PODXL: variants seen among roughly 807,000 people sequenced by gnomAD.
PODXL encodes podocalyxin like, also known as podocalyxin.
Under a neutral mutation model 48.9 loss-of-function variants are expected in PODXL, and 20 were observed. That is an observed-to-expected ratio of 0.41 (90% CI 0.29 to 0.59). The LOEUF is 0.59. Among genes scored for constraint, PODXL ranks in the 20% least tolerant of loss-of-function variants. The pLI is 0.31. For missense variants in PODXL, 606 were observed against 675.1 expected (o/e 0.90, Z 1.13); for synonymous variants, 295 against 287.4 (o/e 1.03, Z -0.27).
chr7:131,515,560 C>T (rs2116801453), intron 1 of PODXL, among the ~76,000 whole-genome samples: 1 of 152,232 alleles, frequency 6.6e-6, no homozygotes, highest in Non-Finnish European at 1.5e-5. Context: ...CGCCACCATG[C>T]CCAACTAATT....
chr7:131,530,983 G>A (rs1290556090), intron 1 of PODXL, among the ~76,000 whole-genome samples: 2 of 151,988 alleles, frequency 1.3e-5, no homozygotes, highest in Non-Finnish European at 2.9e-5. Context: ...GCTTGAACCC[G>A]GGAGGCGGAG....
At chr7:131,552,386 G>C (rs1798681966) in intron 1 of PODXL, among the ~76,000 whole-genome samples, 1 of 152,260 alleles carries the variant, frequency 6.6e-6, no homozygotes, top group African/African-American at 2.4e-5. Flanking sequence ...CTCCCTCCCT[G>C]CAAGGGGGGG....
chr7:131,511,956 C>T (rs1397538662), intron 1 of PODXL, among the ~76,000 whole-genome samples: 4 of 152,216 alleles, frequency 2.6e-5, no homozygotes, highest in Non-Finnish European at 5.9e-5. Flanking sequence ...ACCTCTGTCT[C>T]CTCCTCCCCA....
chr7:131,520,101 TAAAG>T, intron 1 of PODXL: 1 of 222,388 alleles, frequency 4.5e-6, no homozygotes, highest in Non-Finnish European at 9.0e-6. Context: ...CCTATAATCA[TAAAG>T]AAATTGAGCC....
chr7:131,506,957 G>A (rs1456015290), intron 5 of PODXL: 9 of 573,906 alleles, frequency 1.6e-5, no homozygotes, highest in South Asian at 1.0e-4. Flanking sequence ...CCCGTTCTCC[G>A]CACTGTGTTT....
chr7:131,524,019 G>A (rs1407178103), intron 1 of PODXL, among the ~76,000 whole-genome samples: 3 of 151,920 alleles, frequency 2.0e-5, no homozygotes, highest in Non-Finnish European at 2.9e-5. Flanking sequence ...GGCTGGTCTC[G>A]AACTCCTGAC....
chr7:131,501,672 TA>T lies in PODXL; in HGVS notation c.*2638del, dbSNP rs1797705572. On this transcript the variant is annotated 3_prime_UTR_variant, in exon 9 of 9. Coordinates refer to ENST00000378555, the MANE Select transcript of PODXL (RefSeq NM_001018111.3). ...AGTTTACCACTGAAAGAGCTGATGA[TA>T]AACTGTCTTTGCTACAACCTGTTTA... 1 of 152,196 alleles carries T rather than the reference TA, an allele frequency of 6.6e-6. No homozygotes were observed. Among genetic ancestry groups the T allele is most frequent in the Admixed American group, 6.5e-5 (1 of 15,284 alleles). 9.4% of individuals were successfully genotyped at this position (152,196 alleles called of 1,614,324 possible).
In PODXL at chr7:131,535,245, T is replaced by C. The variant is rs574477842; in HGVS notation, c.100+21015A>G. Among the ~76,000 whole-genome samples the C allele has an allele frequency of 2.0e-5, 3 of 152,280 alleles. No homozygotes were observed. The South Asian group carries it at 6.2e-4, about 32-fold the overall frequency. ...TCAGTGTCGGAGGATGAACATCTTC[T>C]GCAGGTGGATGATAGGAGCAGGTGC... On this transcript the variant is annotated intron_variant, in intron 1 of 8. Transcript: ENST00000378555.
chr7:131,539,756 C>T (rs546270450), intron 1 of PODXL, among the ~76,000 whole-genome samples: 7 of 152,340 alleles, frequency 4.6e-5, no homozygotes, highest in South Asian at 4.1e-4. Flanking sequence ...GAGACAGGAA[C>T]GTCCGTGCCC....
chr7:131,549,158 G>A (rs1007801), intron 1 of PODXL, among the ~76,000 whole-genome samples: 1 of 152,018 alleles, frequency 6.6e-6, no homozygotes, highest in Non-Finnish European at 1.5e-5. Flanking sequence ...AGTGTGCTGG[G>A]GGGGAGGGGT....
Position 131,504,190 on chromosome 7 carries a change from G to C in PODXL, c.*121C>G. ...AAAAATTAAGGCCCTGGGGGGATTG[G>C]GAGGGGACACCCCTCGGAGTTCACT... On this transcript the variant is annotated 3_prime_UTR_variant, in exon 9 of 9. Transcript: ENST00000378555. 1.3e-6 allele frequency: 1 copy of C among 748,016 alleles called. No individual in the cohort carries two copies. The highest frequency in any genetic ancestry group is 2.2e-6 in the Non-Finnish European group (1 of 449,870). The allele number at this position is 748,016 out of a possible 1,614,324, so 46.3% of individuals were successfully genotyped here.
intron 1 of PODXL, among the ~76,000 whole-genome samples, chr7:131,521,280 C>T (rs369244772): frequency 2.6e-4 from 40 of 152,082 alleles, no homozygotes; most frequent in African/African-American, 8.7e-4. Context: ...CAATGGGACC[C>T]GAGCACACTT....
Position 131,502,555 on chromosome 7 carries a change from C to G in PODXL, c.*1756G>C, listed in dbSNP as rs1336373386. On this transcript the variant is annotated 3_prime_UTR_variant, in exon 9 of 9. Coordinates refer to ENST00000378555, the MANE Select transcript of PODXL (RefSeq NM_001018111.3). ...GCCATCCCGAGTGGATAGCCTATTT[C>G]ATCAGAGCTACTACAGCCGGAGCCT... The G allele has an allele frequency of 2.6e-5, 4 of 152,248 alleles. No individual in the cohort carries two copies. The highest frequency in any genetic ancestry group is 6.6e-5 in the Admixed American group (1 of 15,266). 9.4% of individuals were successfully genotyped at this position (152,248 alleles called of 1,614,324 possible). A position where few individuals can be genotyped will look rare whatever the true frequency, so the allele number is the denominator to read the frequency against.
chr7:131,541,845 A>T (rs1055608508), intron 1 of PODXL, among the ~76,000 whole-genome samples: 1 of 152,202 alleles, frequency 6.6e-6, no homozygotes, highest in Non-Finnish European at 1.5e-5. Context: ...GAGTTCGTCA[A>T]GGAAGCCCGG....
chr7:131,545,275 G>C (rs913638717), intron 1 of PODXL, among the ~76,000 whole-genome samples: 6 of 152,208 alleles, frequency 3.9e-5, no homozygotes, highest in African/African-American at 1.2e-4. Context: ...TGGACTCTGG[G>C]GCAAGCAGCC....
chr7:131,511,995 T>C (rs1167416591), intron 1 of PODXL, among the ~76,000 whole-genome samples: 1 of 152,190 alleles, frequency 6.6e-6, no homozygotes, highest in Non-Finnish European at 1.5e-5. Context: ...CACAGAAAAT[T>C]CCACAGACTA....
Position 131,506,548 on chromosome 7 carries a change from C to T in PODXL, c.1249+31G>A, listed in dbSNP as rs1210086711. On this transcript the variant is annotated intron_variant, in intron 6 of 8. Transcript: ENST00000378555. ...GCCCCCCATTCCCACCCATGCAGGC[C>T]CCAGCCCAGGCCCCCTTGCCCTCCA... 6.2e-6 allele frequency: 10 copies of T among 1,609,778 alleles called. No homozygotes were observed. The South Asian group carries it at 1.1e-4, about 18-fold the overall frequency.
At chr7:131,513,940 G>A (rs1044371701) in intron 1 of PODXL, among the ~76,000 whole-genome samples, 3 of 152,170 alleles carry the variant, frequency 2.0e-5, no homozygotes, top group African/African-American at 7.2e-5. Flanking sequence ...AGGCCTTACT[G>A]GGGACAAAGG....
In PODXL at chr7:131,511,158, T is replaced by G. The variant is rs55698400; in HGVS notation, c.376A>C (p.Thr126Pro). 7,812 of 1,614,054 alleles carry G rather than the reference T, an allele frequency of 4.8e-3. 35 individuals carry two copies. Among genetic ancestry groups the G allele is most frequent in the Non-Finnish European group, 5.7e-3 (6,722 of 1,180,000 alleles). ...PTTTIESPKS[T>P]KSADTTTVAT... Reference sequence around the variant, plus strand: ...ACTGTAGTGGTGTCTGCACTTTTTGTGCTCTTGGGGCTCTCGATGGTGGTA... The same window carrying G: ...ACTGTAGTGGTGTCTGCACTTTTTGGGCTCTTGGGGCTCTCGATGGTGGTA... Residue 126 changes from threonine to proline, a missense_variant, in exon 2 of 9, where the codon ACA (threonine) becomes CCA (proline). Physicochemically the swap from Thr to Pro is conservative, Grantham distance 38. Transcript: ENST00000378555.
Sources: gnomAD v4.1 joint callset for allele counts (sites outside exome capture counted in the v4.1 genomes callset) on GRCh38, gnomAD v4.1.1 for gene constraint, MANE v1.5 for transcripts, NCBI Gene and HGNC (gene_info 2026-07-23, HGNC 2026-07-21) for gene names.